SPARCL1: variants seen among roughly 807,000 people sequenced by gnomAD.
SPARCL1 encodes SPARC like 1.
SPARCL1 carries 52 observed loss-of-function variants against 67.1 expected under a neutral mutation model. The ratio of observed to expected loss-of-function variants is 0.78; its 90% CI spans 0.62 to 0.98. The LOEUF (loss-of-function observed/expected upper bound fraction) is 0.98. Ranked by LOEUF, SPARCL1 falls within the 50% of genes least tolerant of loss-of-function variation. SPARCL1 has a pLI of 0.00. For synonymous variants in SPARCL1, 226 were observed against 267.8 expected (o/e 0.84, Z 1.52); for missense variants, 717 against 782.4 (o/e 0.92, Z 1.00).
intron 1 of SPARCL1, among the ~76,000 whole-genome samples, chr4:87,526,471 T>A (rs1726047013): frequency 6.6e-6 from 1 of 152,232 alleles, no homozygotes; most frequent in Non-Finnish European, 1.5e-5. Context: ...ACTTGGCATT[T>A]AATAAACATC....
At chr4:87,491,774 C>G (rs182424205) in intron 4 of SPARCL1, 84 bp from the exon 5 acceptor site, 2 of 989,844 alleles carry the variant, frequency 2.0e-6, no homozygotes, top group East Asian at 4.8e-5. Flanking sequence ...CATACTTTCA[C>G]GAGTATTTTT....
intron 1 of SPARCL1, among the ~76,000 whole-genome samples, chr4:87,520,972 A>G (rs957222079): frequency 2.6e-5 from 4 of 152,220 alleles, no homozygotes; most frequent in Non-Finnish European, 5.9e-5. Context: ...ACACAAAAAC[A>G]TCATTCTCCG....
In SPARCL1 at chr4:87,482,456, C is replaced by T. The variant is rs747673173; in HGVS notation, c.1636G>A (p.Ala546Thr). ...MQLYEANSEHAGYLNEKQRNK... is the reference protein window; with the variant it reads ...MQLYEANSEHTGYLNEKQRNK... The stretch of plus-strand genomic sequence containing the variant: ...CTCTGCTTCTCATTTAGATAACCAG[C>T]GTGTTCAGAGTTGGCTTCATAAAGC... The change falls in exon 8 of 11, where the codon GCT (alanine) becomes ACT (threonine). Residue 546 changes from alanine to threonine, a missense_variant. Coordinates refer to ENST00000282470, the MANE Select transcript of SPARCL1 (RefSeq NM_004684.6). The T allele has an allele frequency of 2.5e-6, 4 of 1,613,756 alleles. No individual in the cohort carries two copies. Among genetic ancestry groups the T allele is most frequent in the African/African-American group, 2.7e-5 (2 of 74,906 alleles).
At position 87,490,829 on chromosome 4, in the gene SPARCL1, G is replaced by A. The variant is rs1320322877; in HGVS notation, c.1341C>T (p.Asp447=). The change falls in exon 6 of 11, where the codon GAC becomes GAT. Residue 447 remains aspartate, a synonymous_variant. Transcript: ENST00000282470. ...AGACACAGTGAGGTTTTCCCTGTTG[G>A]TCTGCCTTACAGATGTGGCCTCTTT... is the stretch of plus-strand genomic sequence containing the variant. ...QCKRGHICKA[D]QQGKPHCVCQ... 3.7e-6 allele frequency: 6 copies of A among 1,612,584 alleles called. No individual in the cohort carries two copies. The highest frequency in any genetic ancestry group is 5.1e-6 in the Non-Finnish European group (6 of 1,179,306).
At chr4:87,518,672 A>G (rs1725681328) in intron 1 of SPARCL1, among the ~76,000 whole-genome samples, 1 of 152,138 alleles carries the variant, frequency 6.6e-6, no homozygotes, top group African/African-American at 2.4e-5. Flanking sequence ...TTCTCCCCAT[A>G]TTTTAGGAAA....
intron 10 of SPARCL1, among the ~76,000 whole-genome samples, chr4:87,475,248 A>G (rs576938195): frequency 2.0e-5 from 3 of 152,128 alleles, no homozygotes; most frequent in African/African-American, 4.8e-5. Context: ...TTCCACCAGA[A>G]CTACTCTAAC....
At position 87,499,521 on chromosome 4, in the gene SPARCL1, C is replaced by T. The variant is rs11557440; in HGVS notation, c.54G>A (p.Pro18=). ...LCLLGTAAAI[P]TNARLLSDHS... is the part of the protein sequence containing the mutation. ...TAATAACAGAAGAAAGGAAATTTACCGGGATTGCAGCTGCAGTTCCCAAGA... is the reference window on the plus strand; with the variant it reads ...TAATAACAGAAGAAAGGAAATTTACTGGGATTGCAGCTGCAGTTCCCAAGA... The change falls in exon 2 of 11, where the codon CCG becomes CCA. Residue 18 remains proline, a splice_region_variant and synonymous_variant. Coordinates refer to ENST00000282470, the MANE Select transcript of SPARCL1 (RefSeq NM_004684.6). 10 of 1,601,212 alleles carry T rather than the reference C, an allele frequency of 6.2e-6. No homozygotes were observed. Among genetic ancestry groups the T allele is most frequent in the African/African-American group, 2.7e-5 (2 of 73,928 alleles).
At chr4:87,496,675 T>C (rs1409377724) in intron 2 of SPARCL1, among the ~76,000 whole-genome samples, 3 of 152,198 alleles carry the variant, frequency 2.0e-5, no homozygotes, top group Admixed American at 2.0e-4. Context: ...TCACACTGTG[T>C]CAATAATATA....
chr4:87,491,538 G>T (rs750888501), intron 5 of SPARCL1, 80 bp downstream of exon 5: 4 of 1,080,832 alleles, frequency 3.7e-6, no homozygotes, highest in Non-Finnish European at 5.7e-6. Context: ...ATTCACAAAG[G>T]ATGGAGGGAC....
intron 10 of SPARCL1, among the ~76,000 whole-genome samples, chr4:87,477,003 A>G (rs1267906553): frequency 6.6e-6 from 1 of 152,182 alleles, no homozygotes; most frequent in Non-Finnish European, 1.5e-5. Flanking sequence ...TTGGTTTATT[A>G]TGTGATAATT....
intron 1 of SPARCL1, among the ~76,000 whole-genome samples, chr4:87,503,678 T>C (rs1179906845): frequency 4.0e-5 from 5 of 123,480 alleles, no homozygotes; most frequent in Admixed American, 2.4e-4. Flanking sequence ...AAGTTTTTTT[T>C]TTTCCTTTTT....
At chr4:87,508,437 C>A (rs989356925) in intron 1 of SPARCL1, among the ~76,000 whole-genome samples, 1 of 151,696 alleles carries the variant, frequency 6.6e-6, no homozygotes, top group Non-Finnish European at 1.5e-5. Context: ...TGGGCTCAAA[C>A]GATTGTCCCA....
At chr4:87,507,162 A>G (rs1234232232) in intron 1 of SPARCL1, among the ~76,000 whole-genome samples, 2 of 152,152 alleles carry the variant, frequency 1.3e-5, no homozygotes, top group African/African-American at 4.8e-5. Flanking sequence ...GACATTCATC[A>G]CACATAACAG....
intron 10 of SPARCL1, among the ~76,000 whole-genome samples, chr4:87,474,552 C>T (rs73839657): frequency 3.3e-5 from 5 of 152,134 alleles, no homozygotes; most frequent in Admixed American, 3.3e-4. Context: ...GCTAATTCCT[C>T]TACCTATGCT....
Position 87,483,248 on chromosome 4 carries a change from C to T in SPARCL1, c.1532-688G>A, listed in dbSNP as rs187067815. Among the ~76,000 whole-genome samples, 76 of 152,204 alleles carry T rather than the reference C, an allele frequency of 5.0e-4. 1 individual carries two copies. In the East Asian group the frequency reaches 0.013, roughly 25 times the overall value. On this transcript the variant is annotated intron_variant, in intron 7 of 10. Transcript: ENST00000282470. Reference sequence around the variant, plus strand: ...CTATCCCTCTCCTAGTCCCCCAGCCCCTGACAGGCCCTGGTATATGATGTT... The same window carrying T: ...CTATCCCTCTCCTAGTCCCCCAGCCTCTGACAGGCCCTGGTATATGATGTT...
At chr4:87,501,288 T>G (rs997542841) in intron 1 of SPARCL1, among the ~76,000 whole-genome samples, 1 of 152,176 alleles carries the variant, frequency 6.6e-6, no homozygotes, top group Non-Finnish European at 1.5e-5. Context: ...TAATCCCCTT[T>G]GTCTTTTTTC....
intron 2 of SPARCL1, among the ~76,000 whole-genome samples, 165 bp downstream of exon 2, chr4:87,499,351 CCTTAT>C (rs1451158554): frequency 1.3e-5 from 2 of 151,796 alleles, no homozygotes; most frequent in Admixed American, 1.3e-4. Flanking sequence ...TTTTTAAGTA[CCTTAT>C]CTTGAGTTTT....
chr4:87,476,210 A>G (rs944698534), intron 10 of SPARCL1, among the ~76,000 whole-genome samples: 2 of 152,174 alleles, frequency 1.3e-5, no homozygotes, highest in African/African-American at 4.8e-5. Flanking sequence ...GCCTGCTCTG[A>G]GCCAGGGACC....
intron 1 of SPARCL1, among the ~76,000 whole-genome samples, chr4:87,513,985 G>C (rs957558048): frequency 2.0e-5 from 3 of 152,176 alleles, no homozygotes; most frequent in Non-Finnish European, 4.4e-5. Flanking sequence ...CTTGAGGTCA[G>C]GAGTTCGAGA....
Sources: gnomAD v4.1 joint callset for allele counts (sites outside exome capture counted in the v4.1 genomes callset) on GRCh38, gnomAD v4.1.1 for gene constraint, MANE v1.5 for transcripts, NCBI Gene and HGNC (gene_info 2026-07-23, HGNC 2026-07-21) for gene names.